The following STMN2 variants were observed in gnomAD, a reference collection of about 807,000 sequenced individuals.
STMN2 encodes stathmin 2.
Under a neutral mutation model 24.1 loss-of-function variants are expected in STMN2, and 2 were observed. The observed-to-expected ratio is 0.08, with a 90% CI of 0.03 to 0.26. STMN2 has a LOEUF of 0.26. STMN2 is among the 10% of genes least tolerant of loss of function. The pLI is 1.00. For synonymous variants in STMN2, 83 were observed against 77.5 expected (o/e 1.07, Z -0.37); for missense variants, 114 against 213.6 (o/e 0.53, Z 2.91).
chr8:79,636,050 G>A (rs1402218827), intron 1 of STMN2, among the ~76,000 whole-genome samples: 2 of 151,924 alleles, frequency 1.3e-5, no homozygotes, highest in Non-Finnish European at 2.9e-5. Flanking sequence ...AACTCTGTCT[G>A]TACAAAAAAT....
rs1024210356 is a variant in STMN2 at position 79,665,759 on chromosome 8, T to A, written c.*885T>A. ...GTTCATTTTAAGCTCTTACCTATAGTACAAGTACATGATGCTACTGAATAT... is the reference window on the plus strand; with the variant it reads ...GTTCATTTTAAGCTCTTACCTATAGAACAAGTACATGATGCTACTGAATAT... On this transcript the variant is annotated 3_prime_UTR_variant, in exon 5 of 5. Transcript: ENST00000220876. 1.3e-5 allele frequency: 2 copies of A among 153,838 alleles called. No individual in the cohort carries two copies. Among genetic ancestry groups the A allele is most frequent in the East Asian group, 3.8e-4 (2 of 5,200 alleles). The allele number at this position is 153,838 out of a possible 1,614,324, so 9.5% of individuals were successfully genotyped here. A position where few individuals can be genotyped will look rare whatever the true frequency, so the allele number is the denominator to read the frequency against.
intron 4 of STMN2, among the ~76,000 whole-genome samples, chr8:79,656,794 A>C (rs1303001226): frequency 6.6e-6 from 1 of 152,214 alleles, no homozygotes; most frequent in Non-Finnish European, 1.5e-5. Context: ...CCTCAATGCA[A>C]GATTTATATC....
chr8:79,615,902 T>G (rs994549751), intron 1 of STMN2, among the ~76,000 whole-genome samples: 3 of 152,240 alleles, frequency 2.0e-5, no homozygotes, highest in Non-Finnish European at 4.4e-5. Context: ...ATGTTACTTC[T>G]GAGATTTTGT....
intron 3 of STMN2, 49 bp from the exon 4 acceptor site, chr8:79,654,822 T>C (rs1193654292): frequency 1.3e-5 from 20 of 1,580,686 alleles, no homozygotes; most frequent in Non-Finnish European, 1.6e-5. Context: ...GTTATTCTGC[T>C]AGGTTTGTGT....
Position 79,641,529 on chromosome 8 carries a change from G to C in STMN2, c.267G>C (p.Glu89Asp). Reference sequence around the variant, plus strand: ...TGGAGGAGATCCAGAAGAAACTGGAGGCTGCAGAGGAAAGAAGAAAGGTAA... The same window carrying C: ...TGGAGGAGATCCAGAAGAAACTGGACGCTGCAGAGGAAAGAAGAAAGGTAA... The part of the protein sequence containing the change: ...LSLEEIQKKL[E>D]AAEERRKSQE... Residue 89 changes from glutamate (E) to aspartate (D), a missense_variant, in exon 3 of 5, where the codon GAG becomes GAC. Physicochemically the swap from Glu to Asp is conservative, Grantham distance 45. Transcript: ENST00000220876. The C allele has an allele frequency of 6.2e-7, 1 of 1,612,464 alleles. No individual in the cohort carries two copies. Among genetic ancestry groups the C allele is most frequent in the Non-Finnish European group, 8.5e-7 (1 of 1,179,644 alleles).
intron 4 of STMN2, among the ~76,000 whole-genome samples, chr8:79,656,875 T>G (rs928452254): frequency 6.6e-6 from 1 of 150,574 alleles, no homozygotes; most frequent in South Asian, 2.1e-4. Context: ...CCTCCTTTTT[T>G]GTTTGTTTGT....
intron 4 of STMN2, among the ~76,000 whole-genome samples, chr8:79,660,252 T>TC (rs1408034288): frequency 6.6e-6 from 1 of 152,164 alleles, no homozygotes; most frequent in Non-Finnish European, 1.5e-5. Context: ...CTTGTTGAAT[T>TC]CCCCACTTAA....
chr8:79,631,012 T>C (rs1374684701), intron 1 of STMN2, among the ~76,000 whole-genome samples: 2 of 152,100 alleles, frequency 1.3e-5, no homozygotes, highest in East Asian at 3.8e-4. Flanking sequence ...TTGGTCTCTA[T>C]CAAGGACTGT....
rs554337387 is a variant in STMN2, at chr8:79,647,241, T to C, written c.288+5691T>C. On this transcript the variant is annotated intron_variant, in intron 3 of 4. Coordinates refer to ENST00000220876, the MANE Select transcript of STMN2 (RefSeq NM_007029.4). ...TATAATCAAAGGAATCTGTAATTGC[T>C]AATTATTTCTGATTATTAAAAGATA... Among the ~76,000 whole-genome samples, 12 of 152,338 alleles carry C rather than the reference T, an allele frequency of 7.9e-5. No homozygotes were observed. In the East Asian group the frequency reaches 2.3e-3, roughly 29 times the overall value.
At chr8:79,641,125 T>C (rs529642754) in intron 2 of STMN2, among the ~76,000 whole-genome samples, 9 of 152,342 alleles carry the variant, frequency 5.9e-5, no homozygotes, top group Admixed American at 5.2e-4. Context: ...TTACCGTTAT[T>C]CAACTCCCTG....
At chr8:79,624,459 A>G (rs1342524526) in intron 1 of STMN2, among the ~76,000 whole-genome samples, 1 of 147,472 alleles carries the variant, frequency 6.8e-6, no homozygotes, top group African/African-American at 2.5e-5. Context: ...GTCTCAAAAA[A>G]AAAAAAAAAA....
intron 1 of STMN2, among the ~76,000 whole-genome samples, chr8:79,635,743 T>G (rs1258268964): frequency 1.3e-5 from 2 of 152,020 alleles, no homozygotes; most frequent in African/African-American, 4.8e-5. Flanking sequence ...CAATAAACAC[T>G]GTGGACTACT....
chr8:79,645,671 T>C (rs1314381645), intron 3 of STMN2, among the ~76,000 whole-genome samples: 1 of 152,202 alleles, frequency 6.6e-6, no homozygotes, highest in African/African-American at 2.4e-5. Flanking sequence ...CTAATGCAAG[T>C]GTGAAGTTTA....
intron 1 of STMN2, among the ~76,000 whole-genome samples, chr8:79,618,154 TCTC>T (rs1809426828): frequency 2.0e-5 from 3 of 152,340 alleles, no homozygotes; most frequent in Admixed American, 2.0e-4. Context: ...GAGATGGTCT[TCTC>T]CTTTCTGATC....
At chr8:79,629,354 A>G (rs879775992) in intron 1 of STMN2, among the ~76,000 whole-genome samples, 1 of 152,200 alleles carries the variant, frequency 6.6e-6, no homozygotes. Context: ...TTACTTAAGT[A>G]TGACTAGCAA....
chr8:79,624,453 C>CAAAAAAAAAAAAAAAAAAAAAAAAAAAA (rs1011493193), intron 1 of STMN2, among the ~76,000 whole-genome samples: 15 of 45,128 alleles, frequency 3.3e-4, no homozygotes, highest in Non-Finnish European at 5.9e-4. Flanking sequence ...GACTCCGTCT[C>CAAAAAAAAAAAAAAAAAAAAAAAAAAAA]AAAAAAAAAA....
chr8:79,617,397 C>T (rs1227494938), intron 1 of STMN2, among the ~76,000 whole-genome samples: 1 of 152,080 alleles, frequency 6.6e-6, no homozygotes, highest in East Asian at 1.9e-4. Flanking sequence ...ATAACATTTC[C>T]CAAATAGGGC....
At chr8:79,656,884 G>GTTTTTTCTTTTTT (rs1806384583) in intron 4 of STMN2, among the ~76,000 whole-genome samples, 1 of 150,206 alleles carries the variant, frequency 6.7e-6, no homozygotes, top group Non-Finnish European at 1.5e-5. Context: ...TTGTTTGTTT[G>GTTTTTTCTTTTTT]TTTTTTTGAG....
At chr8:79,640,777 G>A (rs1440455682) in intron 2 of STMN2, among the ~76,000 whole-genome samples, 1 of 152,202 alleles carries the variant, frequency 6.6e-6, no homozygotes, top group Non-Finnish European at 1.5e-5. Flanking sequence ...TCAGCAGGAT[G>A]CTTTGCATTT....
Sources: allele counts gnomAD v4.1 joint callset (sites outside exome capture counted in the v4.1 genomes callset), GRCh38; gene constraint gnomAD v4.1.1; transcripts MANE v1.5; gene names NCBI Gene and HGNC (gene_info 2026-07-23, HGNC 2026-07-21).